CTNNA2: variants seen among roughly 807,000 people sequenced by gnomAD.
CTNNA2 encodes catenin alpha-2.
CTNNA2 carries 42 observed loss-of-function variants against 101.0 expected under a neutral mutation model. The observed-to-expected ratio is 0.42, with a 90% CI of 0.32 to 0.54. CTNNA2 has a LOEUF of 0.54. CTNNA2 is among the 20% of genes least tolerant of loss of function. The pLI, the probability that CTNNA2 is intolerant of heterozygous loss-of-function variation, is 0.14. For synonymous variants in CTNNA2, 450 were observed against 456.4 expected, an observed-to-expected ratio of 0.99 and a Z score of 0.18; for missense variants, 871 against 1,223.1, an observed-to-expected ratio of 0.71 and a Z score of 4.29.
intron 2 of CTNNA2, among the ~76,000 whole-genome samples, chr2:79,743,280 G>A (rs1431148002): frequency 6.6e-6 from 1 of 152,094 alleles, no homozygotes; most frequent in East Asian, 1.9e-4. Context: ...AGAAAATAAA[G>A]GTTCAGAAGT....
At chr2:80,024,747 A>G (rs770276020) in intron 7 of CTNNA2, among the ~76,000 whole-genome samples, 7 of 151,652 alleles carry the variant, frequency 4.6e-5, no homozygotes, top group Non-Finnish European at 1.0e-4. Context: ...CAGAGGGTGT[A>G]TGTTACAATC....
intron 3 of CTNNA2, among the ~76,000 whole-genome samples, chr2:79,324,065 G>A (rs1451897862): frequency 6.6e-6 from 1 of 152,166 alleles, no homozygotes; most frequent in African/African-American, 2.4e-5. Context: ...AGCCAATTGA[G>A]TCCATGCATT....
chr2:80,227,490 T>C (rs1708955435), intron 7 of CTNNA2, among the ~76,000 whole-genome samples: 2 of 152,186 alleles, frequency 1.3e-5, no homozygotes, highest in Non-Finnish European at 2.9e-5. Context: ...TTACTGATAT[T>C]TCCAGGCATT....
intron 7 of CTNNA2, among the ~76,000 whole-genome samples, chr2:80,356,717 C>CATTAAT (rs1673845903): frequency 6.6e-6 from 1 of 152,174 alleles, no homozygotes; most frequent in Middle Eastern, 3.2e-3. Flanking sequence ...ATTAATCTCA[C>CATTAAT]CATCCAGGGA....
intron 7 of CTNNA2, among the ~76,000 whole-genome samples, chr2:79,977,265 C>T (rs1435351710): frequency 2.0e-5 from 3 of 150,478 alleles, no homozygotes; most frequent in Non-Finnish European, 4.4e-5. Flanking sequence ...CACTGGTTCT[C>T]ACTCTTCTTT....
chr2:79,929,563 A>G (rs1558649870), intron 7 of CTNNA2, among the ~76,000 whole-genome samples: 1 of 152,210 alleles, frequency 6.6e-6, no homozygotes, highest in Non-Finnish European at 1.5e-5. Context: ...GAATGCTGTA[A>G]CTAGAAATTA....
At chr2:79,279,313 T>G (rs114692083) in intron 2 of CTNNA2, among the ~76,000 whole-genome samples, 1,926 of 152,118 alleles carry the variant, frequency 0.013, 33 homozygotes, top group African/African-American at 0.043. Context: ...GGTATAACAA[T>G]TTGTTGCCCA....
chr2:80,050,003 C>T (rs1012046113), intron 7 of CTNNA2, among the ~76,000 whole-genome samples: 1 of 152,080 alleles, frequency 6.6e-6, no homozygotes, highest in African/African-American at 2.4e-5. Flanking sequence ...CGATGTCTCT[C>T]CTGCCGTGCC....
At chr2:80,177,002 A>G (rs1436091173) in intron 7 of CTNNA2, among the ~76,000 whole-genome samples, 3 of 152,196 alleles carry the variant, frequency 2.0e-5, no homozygotes, top group African/African-American at 7.2e-5. Flanking sequence ...ATGCTGATTC[A>G]GATCATACAC....
intron 7 of CTNNA2, among the ~76,000 whole-genome samples, chr2:80,085,858 T>C (rs1699408854): frequency 1.3e-5 from 2 of 152,056 alleles, no homozygotes; most frequent in Non-Finnish European, 2.9e-5. Flanking sequence ...GGAGGTCTGA[T>C]GCTGACTAAA....
chr2:79,453,393 G>A (rs1459709130), intron 4 of CTNNA2, among the ~76,000 whole-genome samples: 3 of 152,030 alleles, frequency 2.0e-5, no homozygotes, highest in East Asian at 3.9e-4. Flanking sequence ...TTTAATTCAA[G>A]GAATTGTCAT....
intron 9 of CTNNA2, among the ~76,000 whole-genome samples, chr2:80,523,004 T>TC (rs1000453163): frequency 1.3e-5 from 2 of 152,112 alleles, no homozygotes; most frequent in African/African-American, 4.8e-5. Context: ...ATTGGAGCTA[T>TC]CAACCAACTC....
At chr2:79,853,120 A>G (rs1394547612) in intron 3 of CTNNA2, among the ~76,000 whole-genome samples, 5 of 152,078 alleles carry the variant, frequency 3.3e-5, no homozygotes, top group Admixed American at 3.3e-4. Context: ...CACCCACCTC[A>G]GCCTCCCAAA....
chr2:79,419,271 A>C (rs1337350761), intron 4 of CTNNA2, among the ~76,000 whole-genome samples: 3 of 152,212 alleles, frequency 2.0e-5, no homozygotes, highest in Non-Finnish European at 2.9e-5. Flanking sequence ...AAATACAAAA[A>C]TTATTTAACT....
chr2:80,536,601 G>C (rs2149606694), intron 9 of CTNNA2, among the ~76,000 whole-genome samples: 1 of 152,266 alleles, frequency 6.6e-6, no homozygotes, highest in African/African-American at 2.4e-5. Context: ...AATGTAATTT[G>C]ATTTCCGAGG....
intron 2 of CTNNA2, among the ~76,000 whole-genome samples, chr2:79,655,086 TG>T: frequency 6.6e-6 from 1 of 152,332 alleles, no homozygotes; most frequent in South Asian, 2.1e-4. Context: ...ATAATAAAAA[TG>T]TAGCCTTTCA....
chr2:79,426,668 A>C (rs1298935876), intron 4 of CTNNA2, among the ~76,000 whole-genome samples: 2 of 152,144 alleles, frequency 1.3e-5, no homozygotes, highest in Non-Finnish European at 2.9e-5. Flanking sequence ...TCTTTGCATC[A>C]TGTAGAGTGT....
chr2:80,580,722 T>C (rs1023827438), intron 13 of CTNNA2, among the ~76,000 whole-genome samples: 2 of 152,138 alleles, frequency 1.3e-5, no homozygotes, highest in East Asian at 3.9e-4. Context: ...AAAATCCTAA[T>C]AATAATGATG....
At chr2:80,032,449 A>G (rs1045731615) in intron 7 of CTNNA2, among the ~76,000 whole-genome samples, 2 of 152,216 alleles carry the variant, frequency 1.3e-5, no homozygotes, top group African/African-American at 4.8e-5. Flanking sequence ...GTACAAAGGT[A>G]AAATTTCTAT....
Sources: gnomAD v4.1 joint callset for allele counts (sites outside exome capture counted in the v4.1 genomes callset) on GRCh38, gnomAD v4.1.1 for gene constraint, MANE v1.5 for transcripts, NCBI Gene and HGNC (gene_info 2026-07-23, HGNC 2026-07-21) for gene names.